HTR4: variants seen among roughly 807,000 people sequenced by gnomAD.
HTR4 encodes 5-hydroxytryptamine receptor 4, also known as 5-hydroxytryptamine (serotonin) receptor 4, G protein-coupled.
HTR4 carries 16 observed loss-of-function variants against 36.8 expected under a neutral mutation model. The ratio of observed to expected loss-of-function variants is 0.43; its 90% CI spans 0.29 to 0.66. The LOEUF is 0.66. Ranked by LOEUF, HTR4 falls within the 30% of genes least tolerant of loss-of-function variation. HTR4 has a pLI of 0.13. For missense variants in HTR4, 438 were observed against 490.9 expected, an observed-to-expected ratio of 0.89 and a Z score of 1.02; for synonymous variants, 189 against 185.1, an observed-to-expected ratio of 1.02 and a Z score of -0.17.
intron 2 of HTR4, among the ~76,000 whole-genome samples, chr5:148,587,633 A>C (rs1358323932): frequency 6.6e-6 from 1 of 152,026 alleles, no homozygotes; most frequent in Non-Finnish European, 1.5e-5. Flanking sequence ...TCCTTCACTA[A>C]TTTGTGTCTG....
At chr5:148,462,580 C>T (rs1246106578) in intron 5 of HTR4, among the ~76,000 whole-genome samples, 1 of 151,876 alleles carries the variant, frequency 6.6e-6, no homozygotes, top group Non-Finnish European at 1.5e-5. Flanking sequence ...GTGAATTCTG[C>T]CAAACATAGA....
At chr5:148,577,161 G>A (rs556935530) in intron 2 of HTR4, among the ~76,000 whole-genome samples, 1 of 152,068 alleles carries the variant, frequency 6.6e-6, no homozygotes, top group South Asian at 2.1e-4. Context: ...CAAAGGACAG[G>A]GCCATCCATT....
downstream of HTR4, among the ~76,000 whole-genome samples, chr5:148,472,623 A>T (rs982332107): frequency 3.3e-5 from 5 of 152,136 alleles, no homozygotes; most frequent in African/African-American, 7.2e-5. Flanking sequence ...CTGTGGAAAA[A>T]TGTATTAAAC....
intron 5 of HTR4, among the ~76,000 whole-genome samples, chr5:148,453,921 T>C (rs559674930): frequency 2.0e-5 from 3 of 152,102 alleles, no homozygotes; most frequent in East Asian, 3.8e-4. Flanking sequence ...GTAAAGGTGG[T>C]GAGGAATGGT....
chr5:148,563,174 C>T (rs959522145), intron 2 of HTR4, among the ~76,000 whole-genome samples: 1 of 152,142 alleles, frequency 6.6e-6, no homozygotes, highest in Non-Finnish European at 1.5e-5. Context: ...TCTCTCTTTC[C>T]CAGGCTGCTC....
chr5:148,553,864 A>T (rs768193498), intron 2 of HTR4, among the ~76,000 whole-genome samples: 2 of 152,218 alleles, frequency 1.3e-5, no homozygotes, highest in Non-Finnish European at 2.9e-5. Flanking sequence ...TGATCCCCCA[A>T]TTCAATCCCA....
At chr5:148,489,054 G>A (rs1306907107) in intron 6 of HTR4, among the ~76,000 whole-genome samples, 1 of 152,120 alleles carries the variant, frequency 6.6e-6, no homozygotes, top group African/African-American at 2.4e-5. Context: ...GAATCTTTGG[G>A]AGTCAGACTA....
intron 2 of HTR4, among the ~76,000 whole-genome samples, chr5:148,575,617 A>G (rs1260032390): frequency 6.6e-6 from 1 of 152,108 alleles, no homozygotes; most frequent in Non-Finnish European, 1.5e-5. Flanking sequence ...TGACATTATT[A>G]TTTATGGACT....
rs1271179588 is a variant in HTR4, at chr5:148,457,459, T to G, written c.1077-6187A>C. On this transcript the variant is annotated intron_variant, in intron 5 of 5. Coordinates refer to the HTR4 transcript ENST00000521530. ...AGCATCGCACTTAGAGCAGCCTGGATGTGGTAATTAGTAGCGTAATAATAG... is the reference window on the plus strand; with the variant it reads ...AGCATCGCACTTAGAGCAGCCTGGAGGTGGTAATTAGTAGCGTAATAATAG... Among the ~76,000 whole-genome samples the G allele has an allele frequency of 2.0e-5, 3 of 151,856 alleles. No individual in the cohort carries two copies. The East Asian group carries it at 5.8e-4, about 29-fold the overall frequency.
chr5:148,591,688 G>T (rs1313283098), intron 2 of HTR4, among the ~76,000 whole-genome samples: 1 of 152,082 alleles, frequency 6.6e-6, no homozygotes, highest in Non-Finnish European at 1.5e-5. Flanking sequence ...CTGCCAACAA[G>T]CATATGAACA....
At chr5:148,465,126 A>C (rs1252784618) in intron 5 of HTR4, among the ~76,000 whole-genome samples, 1 of 152,168 alleles carries the variant, frequency 6.6e-6, no homozygotes, top group Non-Finnish European at 1.5e-5. Context: ...TAGGGCAATA[A>C]AATTATTCTG....
Position 148,584,461 on chromosome 5 carries a change from A to T in HTR4, c.27-34199T>A, listed in dbSNP as rs1039886416. On this transcript the variant is annotated intron_variant, in intron 2 of 6. Coordinates refer to ENST00000377888, the MANE Select transcript of HTR4 (RefSeq NM_000870.7). ...TCATTTTCTCTGTGTATTTATATATAAAAAAACTCAAAGGAGAAATTACAA... is the reference window on the plus strand; with the variant it reads ...TCATTTTCTCTGTGTATTTATATATTAAAAAACTCAAAGGAGAAATTACAA... Among the ~76,000 whole-genome samples, 8 of 152,296 alleles carry T rather than the reference A, an allele frequency of 5.3e-5. 1 individual carries two copies. Among genetic ancestry groups the T allele is most frequent in the Admixed American group, 2.0e-4 (3 of 15,298 alleles).
At chr5:148,461,238 A>C (rs1755271205) in intron 5 of HTR4, among the ~76,000 whole-genome samples, 1 of 151,996 alleles carries the variant, frequency 6.6e-6, no homozygotes, top group South Asian at 2.1e-4. Flanking sequence ...GAGGGCAACA[A>C]ATAGAAGACA....
intron 2 of HTR4, among the ~76,000 whole-genome samples, chr5:148,623,948 T>C (rs1753001400): frequency 6.6e-6 from 1 of 152,198 alleles, no homozygotes; most frequent in South Asian, 2.1e-4. Context: ...CTTGGAGGGT[T>C]CCTGAATCAC....
chr5:148,611,190 CT>C (rs1279870729), intron 2 of HTR4, among the ~76,000 whole-genome samples: 1 of 141,234 alleles, frequency 7.1e-6, no homozygotes, highest in Non-Finnish European at 1.6e-5. Flanking sequence ...CACAAAGATA[CT>C]CCTCGAGAAG....
At chr5:148,598,270 C>T (rs1217180388) in intron 2 of HTR4, among the ~76,000 whole-genome samples, 1 of 152,094 alleles carries the variant, frequency 6.6e-6, no homozygotes, top group Non-Finnish European at 1.5e-5. Context: ...TGAGGCCAGG[C>T]ACAGTGGCTC....
At chr5:148,617,567 C>T (rs556399511) in intron 2 of HTR4, among the ~76,000 whole-genome samples, 1 of 152,036 alleles carries the variant, frequency 6.6e-6, no homozygotes, top group African/African-American at 2.4e-5. Flanking sequence ...CTCCCAGGTT[C>T]AAGTGATTCT....
intron 4 of HTR4, among the ~76,000 whole-genome samples, chr5:148,535,035 C>T (rs1042774770): frequency 4.6e-5 from 7 of 152,074 alleles, no homozygotes; most frequent in Non-Finnish European, 1.0e-4. Context: ...AACAGGGGAG[C>T]CACACAACTG....
In HTR4 at chr5:148,503,326, G is replaced by A. The variant is rs186008312; in HGVS notation, c.1076+6130C>T. Among the ~76,000 whole-genome samples the A allele has an allele frequency of 2.8e-4, 42 of 152,288 alleles. No individual in the cohort carries two copies. In the East Asian group the frequency reaches 7.7e-3, roughly 28 times the overall value. ...AAACTCTACAAGCCAGAAGAGGGTG[G>A]GGGCCAATATTCAACATTCTTAGAG... On this transcript the variant is annotated intron_variant, in intron 6 of 6. Coordinates refer to ENST00000377888, the MANE Select transcript of HTR4 (RefSeq NM_000870.7).
Sources: gnomAD v4.1 joint callset for allele counts (sites outside exome capture counted in the v4.1 genomes callset) on GRCh38, gnomAD v4.1.1 for gene constraint, MANE v1.5 for transcripts, NCBI Gene and HGNC (gene_info 2026-07-23, HGNC 2026-07-21) for gene names.